The following ATXN10 variants were observed in gnomAD, a reference collection of about 807,000 sequenced individuals.
The protein encoded by ATXN10 is ataxin 10.
ATXN10 carries 28 observed loss-of-function variants against 52.9 expected under a neutral mutation model. The ratio of observed to expected loss-of-function variants is 0.53; its 90% CI spans 0.39 to 0.73. The LOEUF (loss-of-function observed/expected upper bound fraction) is 0.73, where lower values mean the gene tolerates loss of function less well. Ranked by LOEUF, ATXN10 falls within the 30% of genes least tolerant of loss-of-function variation. The probability of loss-of-function intolerance (pLI) is 0.00; values close to 1 mark genes in which losing one functional copy is unlikely to be tolerated. For missense variants in ATXN10, 565 were observed against 577.0 expected (o/e 0.98, Z 0.21); for synonymous variants, 226 against 221.5 (o/e 1.02, Z -0.18).
Position 45,823,080 on chromosome 22 carries a change from T to C in ATXN10, c.1237+16058T>C, listed in dbSNP as rs1928705232. ...GAGGTATAACTTAAATAGAGTAAAC[T>C]GCAAAATTTTTAAGTATACATCTTG... On this transcript the variant is annotated intron_variant, in intron 10 of 11. Transcript: ENST00000252934. This position sits in a 1 kb window ranked among gnomAD's most constrained non-coding sequence, Gnocchi z 4.9. 2.2e-6 allele frequency: 1 copy of C among 452,340 alleles called. No homozygotes were observed. Among genetic ancestry groups the C allele is most frequent in the Non-Finnish European group, 4.5e-6 (1 of 219,946 alleles). 28.0% of individuals were successfully genotyped at this position (452,340 alleles called of 1,614,324 possible).
Position 45,737,125 on chromosome 22 carries a change from A to G in ATXN10, c.895-1606A>G, listed in dbSNP as rs951529311. Among the ~76,000 whole-genome samples the G allele has an allele frequency of 4.6e-5, 7 of 152,348 alleles. No individual in the cohort carries two copies. The South Asian group carries it at 1.4e-3, about 32-fold the overall frequency. ...TGTTTTATTTTCATTATGAAGCCATAGCTGTAAAACCGCTTGATTTGTTTT... is the reference window on the plus strand; with the variant it reads ...TGTTTTATTTTCATTATGAAGCCATGGCTGTAAAACCGCTTGATTTGTTTT... On this transcript the variant is annotated intron_variant, in intron 7 of 11. Coordinates refer to ENST00000252934, the MANE Select transcript of ATXN10 (RefSeq NM_013236.4).
chr22:45,826,193 G>T lies in ATXN10; in HGVS notation c.1238-16798G>T, dbSNP rs1040954995. Among the ~76,000 whole-genome samples the T allele has an allele frequency of 1.3e-5, 2 of 152,126 alleles. No individual in the cohort carries two copies. The highest frequency in any genetic ancestry group is 6.5e-5 in the Admixed American group (1 of 15,270). On this transcript the variant is annotated intron_variant, in intron 10 of 11. Transcript: ENST00000252934. The surrounding 1 kb of genome is among the most constrained non-coding windows in gnomAD (Gnocchi z 5.0). ...ATACCTGAAATAAATTTACTAGAAG[G>T]ATTCGAAGACAGATTTGAGCAGGGA...
At chr22:45,689,132 G>A (rs538477026) in intron 1 of ATXN10, among the ~76,000 whole-genome samples, 1 of 152,216 alleles carries the variant, frequency 6.6e-6, no homozygotes, top group Non-Finnish European at 1.5e-5. Flanking sequence ...TGGTGTGTGT[G>A]TTGTCAGCCT....
chr22:45,828,991 G>C lies in ATXN10; in HGVS notation c.1238-14000G>C, dbSNP rs1448770207. On this transcript the variant is annotated intron_variant, in intron 10 of 11. Coordinates refer to ENST00000252934, the MANE Select transcript of ATXN10 (RefSeq NM_013236.4). This position sits in a 1 kb window ranked among gnomAD's most constrained non-coding sequence, Gnocchi z 4.5. ...AAAGACCAACATCCTTTATGAACAT[G>C]AATTTAACAGCATACTAAAAGAATT... is the stretch of plus-strand genomic sequence containing the variant. 6.6e-6 allele frequency among the ~76,000 whole-genome samples: 1 copy of C among 152,058 alleles called. No homozygotes were observed. The highest frequency in any genetic ancestry group is 2.4e-5 in the African/African-American group (1 of 41,412).
intron 9 of ATXN10, among the ~76,000 whole-genome samples, chr22:45,745,262 T>C (rs926094424): frequency 2.0e-5 from 3 of 152,252 alleles, no homozygotes; most frequent in Non-Finnish European, 4.4e-5. Flanking sequence ...AGTGAATCTT[T>C]ATTAGAAGAA....
chr22:45,725,907 G>A (rs1217984939), intron 6 of ATXN10, among the ~76,000 whole-genome samples: 1 of 151,920 alleles, frequency 6.6e-6, no homozygotes, highest in Non-Finnish European at 1.5e-5. Context: ...GCGTCTATTG[G>A]GATGATCATA....
In ATXN10 at chr22:45,700,310, CAACATTGCCT is replaced by C; in HGVS notation, c.421_430del (p.Asn141HisfsTer23). Reference sequence around the variant, plus strand: ...TTCGCTGTGGCCTGCAGTTTTTAGGCAACATTGCCTCACGGAATGAAGATTCCCAGTCTAT... The same window carrying C: ...TTCGCTGTGGCCTGCAGTTTTTAGGCCACGGAATGAAGATTCCCAGTCTAT... On this transcript the variant is annotated frameshift_variant, in exon 4 of 12. Transcript: ENST00000252934. LOFTEE classifies it high-confidence loss of function. The C allele has an allele frequency of 1.9e-6, 3 of 1,613,964 alleles. No individual in the cohort carries two copies. Among genetic ancestry groups the C allele is most frequent in the Non-Finnish European group, 2.5e-6 (3 of 1,179,922 alleles).
intron 4 of ATXN10, among the ~76,000 whole-genome samples, chr22:45,702,367 G>A (rs1307607460): frequency 1.3e-5 from 2 of 152,026 alleles, no homozygotes; most frequent in Non-Finnish European, 2.9e-5. Context: ...TGTACCTGTC[G>A]ATTTTTTCTT....
chr22:45,758,695 T>C (rs1365763494), intron 9 of ATXN10, among the ~76,000 whole-genome samples: 1 of 152,258 alleles, frequency 6.6e-6, no homozygotes, highest in Non-Finnish European at 1.5e-5. Context: ...TGCATACACA[T>C]AGCCACTGCG....
At chr22:45,831,250 G>T (rs9626456) in intron 10 of ATXN10, among the ~76,000 whole-genome samples, 1,701 of 152,264 alleles carry the variant, frequency 0.011, 39 homozygotes, top group African/African-American at 0.039. Context: ...TTTACAAGAC[G>T]AGTTGCGGAG....
intron 9 of ATXN10, among the ~76,000 whole-genome samples, chr22:45,800,517 C>T (rs1256912006): frequency 8.5e-5 from 3 of 35,178 alleles, no homozygotes; most frequent in Non-Finnish European, 1.4e-4. Flanking sequence ...GGTACAACTA[C>T]TTTGGAAAAA....
rs908547222 is a variant in ATXN10, at chr22:45,819,342, C to T, written c.1237+12320C>T. Among the ~76,000 whole-genome samples the T allele has an allele frequency of 6.6e-6, 1 of 152,170 alleles. No individual in the cohort carries two copies. Among genetic ancestry groups the T allele is most frequent in the Non-Finnish European group, 1.5e-5 (1 of 68,036 alleles). On this transcript the variant is annotated intron_variant, in intron 10 of 11. Transcript: ENST00000252934. The surrounding 1 kb of genome is among the most constrained non-coding windows in gnomAD (Gnocchi z 4.5). ...AGCCTAAAGTAGCCTAAAGTATCAG[C>T]TCAAAATCCACATGCCTGATGGTTT...
intron 10 of ATXN10, among the ~76,000 whole-genome samples, chr22:45,815,023 T>C (rs1411055155): frequency 6.6e-6 from 1 of 152,172 alleles, no homozygotes; most frequent in Admixed American, 6.5e-5. Flanking sequence ...ACTGCTGCAT[T>C]AGGAGACACG....
chr22:45,672,653 TCTC>T (rs1200196370), intron 1 of ATXN10: 1 of 152,574 alleles, frequency 6.6e-6, no homozygotes, highest in Non-Finnish European at 1.5e-5. Flanking sequence ...GGCACTCCTT[TCTC>T]CTCGGCGTTA....
intron 9 of ATXN10, among the ~76,000 whole-genome samples, chr22:45,756,511 T>C (rs1227066591): frequency 6.6e-6 from 1 of 152,240 alleles, no homozygotes; most frequent in Non-Finnish European, 1.5e-5. Flanking sequence ...CAAAAAGATA[T>C]ATTTATTAGA....
At chr22:45,719,038 C>T (rs1238406066) in intron 6 of ATXN10, among the ~76,000 whole-genome samples, 1 of 149,978 alleles carries the variant, frequency 6.7e-6, no homozygotes, top group Non-Finnish European at 1.5e-5. Flanking sequence ...GATTCAGGTT[C>T]GTGTGTGTGT....
intron 6 of ATXN10, among the ~76,000 whole-genome samples, chr22:45,722,735 G>A (rs1051300522): frequency 6.6e-6 from 1 of 151,980 alleles, no homozygotes; most frequent in Non-Finnish European, 1.5e-5. Flanking sequence ...TCCTGTTGCT[G>A]CTGAACAACT....
intron 9 of ATXN10, among the ~76,000 whole-genome samples, chr22:45,764,394 G>A (rs1442439519): frequency 1.3e-5 from 2 of 152,078 alleles, no homozygotes; most frequent in African/African-American, 4.8e-5. Flanking sequence ...TCTATAAAAT[G>A]TTTACAACTC....
At chr22:45,736,740 T>G (rs1168710621) in intron 7 of ATXN10, among the ~76,000 whole-genome samples, 1 of 152,030 alleles carries the variant, frequency 6.6e-6, no homozygotes, top group Non-Finnish European at 1.5e-5. Flanking sequence ...TTTGGGTTAG[T>G]TTTTTTTGTT....
Sources: gnomAD v4.1 joint callset for allele counts (sites outside exome capture counted in the v4.1 genomes callset) on GRCh38, gnomAD v4.1.1 for gene constraint, Gnocchi (gnomAD v3.1) non-coding constraint, MANE v1.5 for transcripts, NCBI Gene and HGNC (gene_info 2026-07-23, HGNC 2026-07-21) for gene names.